DRC11: variants seen among roughly 807,000 people sequenced by gnomAD.
DRC11 encodes dynein regulatory complex subunit 11, also known as IQ and AAA domain-containing protein 1.
chr2:236,455,307 G>C, the DRC11 span, among the ~76,000 whole-genome samples: 2 of 152,236 alleles, frequency 1.3e-5, no homozygotes, highest in African/African-American at 4.8e-5. This position sits in a 1 kb window ranked among gnomAD's most constrained non-coding sequence, Gnocchi z 5.7. Flanking sequence ...CATGAGCCCT[G>C]AGAAAGCCAC....
At chr2:236,489,559 C>T in the DRC11 span, among the ~76,000 whole-genome samples, 66 of 152,154 alleles carry the variant, frequency 4.3e-4, 1 homozygote, top group African/African-American at 1.4e-3. Flanking sequence ...AACAGGGGCT[C>T]ATGTGGCCTG....
chr2:236,445,298 C>T, the DRC11 span, among the ~76,000 whole-genome samples: 1 of 151,996 alleles, frequency 6.6e-6, no homozygotes, highest in Non-Finnish European at 1.5e-5. This position sits in a 1 kb window ranked among gnomAD's most constrained non-coding sequence, Gnocchi z 4.8. Context: ...ATTACATTAT[C>T]ATGGTGCTTT....
chr2:236,338,946 A>G, the DRC11 span, among the ~76,000 whole-genome samples: 2 of 152,236 alleles, frequency 1.3e-5, no homozygotes, highest in Non-Finnish European at 2.9e-5. Flanking sequence ...CTGGCTGTTC[A>G]GCACCCCAGG....
the DRC11 span, among the ~76,000 whole-genome samples, chr2:236,394,683 G>A: frequency 6.6e-6 from 1 of 152,044 alleles, no homozygotes; most frequent in South Asian, 2.1e-4. The surrounding 1 kb of genome is among the most constrained non-coding windows in gnomAD (Gnocchi z 7.0). Context: ...GGTGAGCACA[G>A]AAGGGGCAGA....
At chr2:236,444,126 C>T in the DRC11 span, among the ~76,000 whole-genome samples, 1 of 151,966 alleles carries the variant, frequency 6.6e-6, no homozygotes, top group Non-Finnish European at 1.5e-5. Flanking sequence ...AAATTTTCTC[C>T]CATTCTGTAG....
chr2:236,416,731 A>T, the DRC11 span, among the ~76,000 whole-genome samples: 44 of 42,998 alleles, frequency 1.0e-3, 1 homozygote, highest in African/African-American at 3.8e-3. Flanking sequence ...TTATATATAT[A>T]TATATATATA....
At chr2:236,479,859 T>TTAG in the DRC11 span, among the ~76,000 whole-genome samples, 836 of 152,270 alleles carry the variant, frequency 5.5e-3, 9 homozygotes, top group African/African-American at 0.018. The surrounding 1 kb of genome is among the most constrained non-coding windows in gnomAD (Gnocchi z 4.1). Flanking sequence ...TTTCTGCATG[T>TTAG]TAGTGTCTTT....
At chr2:236,433,096 T>C in the DRC11 span, among the ~76,000 whole-genome samples, 1 of 152,182 alleles carries the variant, frequency 6.6e-6, no homozygotes, top group Non-Finnish European at 1.5e-5. Context: ...TGATTTTCTG[T>C]TCTTTTCCAT....
At chr2:236,452,192 G>A in the DRC11 span, among the ~76,000 whole-genome samples, 1 of 152,116 alleles carries the variant, frequency 6.6e-6, no homozygotes, top group Non-Finnish European at 1.5e-5. This position sits in a 1 kb window ranked among gnomAD's most constrained non-coding sequence, Gnocchi z 4.7. Context: ...TCAAGTTAAG[G>A]CCTATTAAAA....
chr2:236,384,493 C>T, the DRC11 span, among the ~76,000 whole-genome samples: 1 of 152,182 alleles, frequency 6.6e-6, no homozygotes, highest in African/African-American at 2.4e-5. Flanking sequence ...ATGTCCTTCA[C>T]CCACTTTTTG....
the DRC11 span, among the ~76,000 whole-genome samples, chr2:236,321,885 C>T: frequency 6.6e-6 from 1 of 152,204 alleles, no homozygotes; most frequent in South Asian, 2.1e-4. Flanking sequence ...ACCAACTTCA[C>T]ACTCATACAA....
At chr2:236,368,346 T>G in the DRC11 span, 29 of 1,062,638 alleles carry the variant, frequency 2.7e-5, no homozygotes, top group Non-Finnish European at 3.9e-5. Context: ...AAAACAGCGC[T>G]GGTCTGAGCT....
the DRC11 span, among the ~76,000 whole-genome samples, chr2:236,401,068 G>C: frequency 6.6e-6 from 1 of 152,026 alleles, no homozygotes; most frequent in Non-Finnish European, 1.5e-5. This position sits in a 1 kb window ranked among gnomAD's most constrained non-coding sequence, Gnocchi z 4.6. Context: ...CATTTGTCTT[G>C]GAGCTCCTGG....
At chr2:236,341,606 A>C in the DRC11 span, among the ~76,000 whole-genome samples, 174 of 152,286 alleles carry the variant, frequency 1.1e-3, no homozygotes, top group African/African-American at 3.7e-3. Flanking sequence ...CCCCAAAGGC[A>C]GGTTTTGGGA....
At chr2:236,322,889 G>C in the DRC11 span, among the ~76,000 whole-genome samples, 1 of 152,198 alleles carries the variant, frequency 6.6e-6, no homozygotes, top group Non-Finnish European at 1.5e-5. Flanking sequence ...AGCTTAGTGT[G>C]ACTATGGACT....
At chr2:236,459,187 A>T in the DRC11 span, among the ~76,000 whole-genome samples, 4 of 152,178 alleles carry the variant, frequency 2.6e-5, no homozygotes, top group Non-Finnish European at 5.9e-5. Context: ...GAAGCCCATA[A>T]ATGACTGGGC....
the DRC11 span, among the ~76,000 whole-genome samples, chr2:236,322,444 C>T: frequency 6.6e-6 from 1 of 152,048 alleles, no homozygotes; most frequent in Admixed American, 6.5e-5. Context: ...TACGGGGTTT[C>T]ACTGTGTTAG....
chr2:236,329,548 C>T, the DRC11 span, among the ~76,000 whole-genome samples: 1 of 152,258 alleles, frequency 6.6e-6, no homozygotes, highest in Non-Finnish European at 1.5e-5. Flanking sequence ...TCTGAGATAA[C>T]GTTGTCGGAA....
chr2:236,476,171 T>A, the DRC11 span, among the ~76,000 whole-genome samples: 1 of 152,174 alleles, frequency 6.6e-6, no homozygotes, highest in Non-Finnish European at 1.5e-5. The surrounding 1 kb of genome is among the most constrained non-coding windows in gnomAD (Gnocchi z 4.7). Context: ...ATTCATATTT[T>A]AACAGTATTA....
Sources: gnomAD v4.1 joint callset for allele counts (sites outside exome capture counted in the v4.1 genomes callset) on GRCh38, gnomAD v4.1.1 for gene constraint, Gnocchi (gnomAD v3.1) non-coding constraint, MANE v1.5 for transcripts, NCBI Gene and HGNC (gene_info 2026-07-23, HGNC 2026-07-21) for gene names.